Variants in PTPRZ1 observed in about 807,000 individuals in gnomAD.
PTPRZ1 encodes the protein receptor-type tyrosine-protein phosphatase zeta.
In PTPRZ1, 82 loss-of-function variants were observed where a neutral mutation model predicts 214.1. The ratio of observed to expected loss-of-function variants is 0.38; its 90% CI spans 0.32 to 0.46. The LOEUF (loss-of-function observed/expected upper bound fraction) is 0.46, where lower values mean the gene tolerates loss of function less well. Ranked by LOEUF, PTPRZ1 falls within the 20% of genes least tolerant of loss-of-function variation. PTPRZ1 has a pLI of 1.00. For missense variants in PTPRZ1, 2,603 were observed against 2,748.7 expected, an observed-to-expected ratio of 0.95 and a Z score of 1.19; for synonymous variants, 945 against 987.9, an observed-to-expected ratio of 0.96 and a Z score of 0.81.
intron 1 of PTPRZ1, among the ~76,000 whole-genome samples, chr7:121,906,779 C>T (rs1034431056): frequency 2.6e-5 from 4 of 152,080 alleles, no homozygotes; most frequent in African/African-American, 4.8e-5. Flanking sequence ...GCTTATTCTT[C>T]GTTTCCTAGT....
chr7:122,060,974 C>G, intron 29 of PTPRZ1, 106 bp from the exon 30 acceptor site: 1 of 1,084,098 alleles, frequency 9.2e-7, no homozygotes, highest in Non-Finnish European at 1.3e-6. Flanking sequence ...AACACATTGC[C>G]CTTTCATGAA....
At chr7:121,921,825 A>T (rs1355649739) in intron 1 of PTPRZ1, among the ~76,000 whole-genome samples, 1 of 152,214 alleles carries the variant, frequency 6.6e-6, no homozygotes, top group Non-Finnish European at 1.5e-5. Context: ...TTTTGGTTAC[A>T]CCTGAAGTGG....
intron 1 of PTPRZ1, among the ~76,000 whole-genome samples, chr7:121,900,959 A>G (rs1794938501): frequency 6.6e-6 from 1 of 152,208 alleles, no homozygotes; most frequent in Non-Finnish European, 1.5e-5. Context: ...TATCCATTTT[A>G]CAAATGAAAT....
chr7:122,030,068 G>C (rs1255607021), intron 14 of PTPRZ1, among the ~76,000 whole-genome samples: 1 of 151,784 alleles, frequency 6.6e-6, no homozygotes, highest in African/African-American at 2.4e-5. Context: ...TTTATCCAAA[G>C]TCCAACATGG....
chr7:121,955,792 T>C (rs759534088), intron 2 of PTPRZ1, among the ~76,000 whole-genome samples: 1 of 152,170 alleles, frequency 6.6e-6, no homozygotes, highest in Non-Finnish European at 1.5e-5. Flanking sequence ...GTCTTGTCAG[T>C]GGGGTGATAG....
intron 2 of PTPRZ1, among the ~76,000 whole-genome samples, chr7:121,939,797 T>C (rs1796190045): frequency 6.6e-6 from 1 of 152,096 alleles, no homozygotes; most frequent in South Asian, 2.1e-4. Context: ...ATGCAAACAA[T>C]AGTGATTAAG....
intron 12 of PTPRZ1, among the ~76,000 whole-genome samples, chr7:122,018,808 T>C (rs1196075868): frequency 6.6e-6 from 1 of 152,174 alleles, no homozygotes; most frequent in Non-Finnish European, 1.5e-5. Context: ...GTAGTGATTT[T>C]TAAATTACAC....
At chr7:121,918,848 C>A (rs374008576) in intron 1 of PTPRZ1, among the ~76,000 whole-genome samples, 5 of 150,920 alleles carry the variant, frequency 3.3e-5, no homozygotes, top group African/African-American at 1.2e-4. Context: ...ATGTATATTT[C>A]AAAAAAAATC....
intron 1 of PTPRZ1, among the ~76,000 whole-genome samples, chr7:121,880,925 T>A (rs1794219843): frequency 2.0e-5 from 3 of 152,154 alleles, no homozygotes; most frequent in Admixed American, 2.0e-4. Context: ...GTCATGTGTG[T>A]TTTAGTGCAC....
intron 1 of PTPRZ1, among the ~76,000 whole-genome samples, chr7:121,877,771 G>A (rs1462598334): frequency 2.6e-5 from 4 of 152,052 alleles, no homozygotes; most frequent in Admixed American, 6.5e-5. Context: ...ACAACTAGTC[G>A]AAAATAAGTC....
At chr7:122,059,665 T>C in intron 28 of PTPRZ1, 88 bp from the exon 29 acceptor site, 1 of 1,404,504 alleles carries the variant, frequency 7.1e-7, no homozygotes, top group Non-Finnish European at 9.5e-7. Flanking sequence ...CACTGCAAAG[T>C]TGTCAAGGCT....
intron 13 of PTPRZ1, among the ~76,000 whole-genome samples, chr7:122,027,199 G>C (rs1799228322): frequency 6.6e-6 from 1 of 152,164 alleles, no homozygotes; most frequent in African/African-American, 2.4e-5. Flanking sequence ...CAGGAAGCCA[G>C]GGGGAATGGC....
chr7:122,011,276 G>T lies in PTPRZ1; in HGVS notation c.2230G>T (p.Val744Leu), dbSNP rs890834573. 6.2e-7 allele frequency: 1 copy of T among 1,613,954 alleles called. No individual in the cohort carries two copies. The highest frequency in any genetic ancestry group is 8.5e-7 in the Non-Finnish European group (1 of 1,179,940). Residue 744 changes from valine to leucine, a missense_variant, in exon 12 of 30, where the codon GTA becomes TTA. Physicochemically the swap from Val to Leu is conservative, Grantham distance 32. This residue lies in a region of PTPRZ1 where 1,913 missense variants were observed against 1,914.3 expected (regional missense o/e 1.00). Coordinates refer to ENST00000393386, the MANE Select transcript of PTPRZ1 (RefSeq NM_002851.3). ...GGATTTGGTCTCCACGGTCAACGTGGTATACTCGCAGACAACCCAACCGGT... is the reference window on the plus strand; with the variant it reads ...GGATTTGGTCTCCACGGTCAACGTGTTATACTCGCAGACAACCCAACCGGT... ...QQDLVSTVNV[V>L]YSQTTQPVYN...
chr7:121,940,349 G>A (rs1040653402), intron 2 of PTPRZ1, among the ~76,000 whole-genome samples: 1 of 152,202 alleles, frequency 6.6e-6, no homozygotes, highest in Non-Finnish European at 1.5e-5. Context: ...ACAGCTTCAA[G>A]TTGATAGGAT....
intron 20 of PTPRZ1, 82 bp from the exon 21 acceptor site, chr7:122,040,734 G>A (rs1362926670): frequency 1.8e-5 from 1 of 54,662 alleles, no homozygotes; most frequent in Non-Finnish European, 2.6e-5. Flanking sequence ...AGAACCGTGT[G>A]TGTGTGTGTG....
chr7:122,017,273 G>A (rs188184134), intron 12 of PTPRZ1, among the ~76,000 whole-genome samples: 65 of 152,208 alleles, frequency 4.3e-4, no homozygotes, highest in Admixed American at 9.8e-4. Context: ...TTATTTAGGT[G>A]ACTAGATGAT....
chr7:121,946,173 TG>T (rs1796368088), intron 2 of PTPRZ1, among the ~76,000 whole-genome samples: 1 of 152,146 alleles, frequency 6.6e-6, no homozygotes, highest in Admixed American at 6.5e-5. Context: ...ACCAGAGAAA[TG>T]GGAAAGGATT....
chr7:122,036,587 C>T lies in PTPRZ1; in HGVS notation c.5285-13C>T. ...TCTGTGCTACAATGAAATATATTCTCTTTATATTACAGATGATCATAGCAG... is the reference window on the plus strand; with the variant it reads ...TCTGTGCTACAATGAAATATATTCTTTTTATATTACAGATGATCATAGCAG... On this transcript the variant is annotated splice_polypyrimidine_tract_variant and intron_variant, in intron 17 of 29. Coordinates refer to ENST00000393386, the MANE Select transcript of PTPRZ1 (RefSeq NM_002851.3). 6.5e-7 allele frequency: 1 copy of T among 1,547,300 alleles called. No homozygotes were observed. Among genetic ancestry groups the T allele is most frequent in the Middle Eastern group, 1.7e-4 (1 of 5,890 alleles).
Position 122,003,488 on chromosome 7 carries a change from C to T in PTPRZ1, c.1241-1126C>T, listed in dbSNP as rs138981175. Among the ~76,000 whole-genome samples, 560 of 152,150 alleles carry T rather than the reference C, an allele frequency of 3.7e-3. 7 individuals carry two copies. The highest frequency in any genetic ancestry group is 0.013 in the African/African-American group (540 of 41,518). On this transcript the variant is annotated intron_variant, in intron 10 of 29. Transcript: ENST00000393386. ...CAGCAGTCTTGGTAAAAAATAAACG[C>T]AAGAAACTTTGTATTGGAAAACAGA...
Sources: gnomAD v4.1 joint callset for allele counts (sites outside exome capture counted in the v4.1 genomes callset) on GRCh38, gnomAD v4.1.1 for gene constraint, gnomAD v4.1.1 regional missense constraint, MANE v1.5 for transcripts, NCBI Gene and HGNC (gene_info 2026-07-23, HGNC 2026-07-21) for gene names.